Variants in PARD3B observed in about 807,000 individuals in gnomAD.
PARD3B encodes the protein par-3 family cell polarity regulator beta, also known as partitioning defective 3 homolog B.
PARD3B carries 103 observed loss-of-function variants against 130.2 expected under a neutral mutation model. That is an observed-to-expected ratio of 0.79 (90% CI 0.67 to 0.93). The LOEUF is 0.93. PARD3B is among the 40% of genes least tolerant of loss of function. PARD3B has a pLI of 0.00. For missense variants in PARD3B, 1,609 were observed against 1,499.2 expected, an observed-to-expected ratio of 1.07 and a Z score of -1.21; for synonymous variants, 583 against 553.2, an observed-to-expected ratio of 1.05 and a Z score of -0.76.
chr2:205,015,015 T>C lies in PARD3B; in HGVS notation c.395-32566T>C, dbSNP rs907501036. ...TGTCGAACAATGTGAGAGTTAGGGT[T>C]ACAGGGCCCACATACAGTTGAAAAT... On this transcript the variant is annotated intron_variant, in intron 3 of 22. Coordinates refer to ENST00000406610, the MANE Select transcript of PARD3B (RefSeq NM_001302769.2). This position sits in a 1 kb window ranked among gnomAD's most constrained non-coding sequence, Gnocchi z 4.5. Among the ~76,000 whole-genome samples, 3 of 152,150 alleles carry C rather than the reference T, an allele frequency of 2.0e-5. No homozygotes were observed. Among genetic ancestry groups the C allele is most frequent in the African/African-American group, 7.2e-5 (3 of 41,422 alleles).
At chr2:205,534,466 C>CTT (rs760015891) in intron 21 of PARD3B, among the ~76,000 whole-genome samples, 2 of 145,964 alleles carry the variant, frequency 1.4e-5, no homozygotes, top group African/African-American at 2.5e-5. Flanking sequence ...ATGGAGTCCA[C>CTT]TTTTTTTTTT....
rs1190257227 is a variant in PARD3B at position 205,116,595 on chromosome 2, G to A, written c.681-2326G>A. 1.3e-5 allele frequency among the ~76,000 whole-genome samples: 2 copies of A among 152,094 alleles called. No individual in the cohort carries two copies. Among genetic ancestry groups the A allele is most frequent in the African/African-American group, 2.4e-5 (1 of 41,406 alleles). On this transcript the variant is annotated intron_variant, in intron 6 of 22. Coordinates refer to ENST00000406610, the MANE Select transcript of PARD3B (RefSeq NM_001302769.2). This position sits in a 1 kb window ranked among gnomAD's most constrained non-coding sequence, Gnocchi z 4.5. ...GACAGCATTAATCTTTAAATTCTGC[G>A]AGTCTTGGTCCCAAATGAGACAGCT...
chr2:204,552,672 G>A (rs953172118), intron 1 of PARD3B, among the ~76,000 whole-genome samples: 1 of 152,192 alleles, frequency 6.6e-6, no homozygotes, highest in African/African-American at 2.4e-5. Context: ...GTTGATTTTT[G>A]TGTAAGGTTG....
chr2:204,695,004 T>C (rs112110411), intron 2 of PARD3B, among the ~76,000 whole-genome samples: 298 of 152,168 alleles, frequency 2.0e-3, no homozygotes, highest in African/African-American at 6.7e-3. Flanking sequence ...TAAGAAAATG[T>C]TTGATATGTG....
intron 14 of PARD3B, among the ~76,000 whole-genome samples, chr2:205,192,026 T>A (rs1261355123): frequency 6.6e-6 from 1 of 152,170 alleles, no homozygotes; most frequent in Non-Finnish European, 1.5e-5. Context: ...GCTAAACAGG[T>A]ACTTCCTTAA....
intron 4 of PARD3B, among the ~76,000 whole-genome samples, chr2:205,052,921 G>A (rs556246610): frequency 6.6e-6 from 1 of 152,206 alleles, no homozygotes; most frequent in South Asian, 2.1e-4. Flanking sequence ...GACACAGACC[G>A]GTGGAGGGAA....
In PARD3B at chr2:205,525,023, G is replaced by A. The variant is rs892666240; in HGVS notation, c.3180+24992G>A. 9.9e-5 allele frequency among the ~76,000 whole-genome samples: 15 copies of A among 152,054 alleles called. No individual in the cohort carries two copies. The highest frequency in any genetic ancestry group is 2.1e-4 in the South Asian group (1 of 4,818). The stretch of plus-strand genomic sequence containing the variant: ...ATACCCATCAAAACACTTAAACCTC[G>A]CCAGAATAAGAGATTTCTTAGTGAT... On this transcript the variant is annotated intron_variant, in intron 21 of 22. Transcript: ENST00000406610. This position sits in a 1 kb window ranked among gnomAD's most constrained non-coding sequence, Gnocchi z 4.2.
rs1472655154 is a variant in PARD3B, at chr2:204,799,108, T to C, written c.222+112826T>C. Among the ~76,000 whole-genome samples, 1 of 152,076 alleles carries C rather than the reference T, an allele frequency of 6.6e-6. No homozygotes were observed. The highest frequency in any genetic ancestry group is 6.6e-5 in the Admixed American group (1 of 15,266). On this transcript the variant is annotated intron_variant, in intron 2 of 22. Coordinates refer to ENST00000406610, the MANE Select transcript of PARD3B (RefSeq NM_001302769.2). The surrounding 1 kb of genome is among the most constrained non-coding windows in gnomAD (Gnocchi z 4.1). Reference sequence around the variant, plus strand: ...AGGCTTTGGCTCCTGGACATTATTTTTGGACCTGCTATGGGCCAGACGGGA... The same window carrying C: ...AGGCTTTGGCTCCTGGACATTATTTCTGGACCTGCTATGGGCCAGACGGGA...
chr2:205,465,477 A>T (rs1045376053), intron 20 of PARD3B, among the ~76,000 whole-genome samples: 2 of 152,192 alleles, frequency 1.3e-5, no homozygotes, highest in Non-Finnish European at 2.9e-5. Flanking sequence ...GCTTTCTATA[A>T]AACTCGATTT....
chr2:205,583,377 C>CTGTGTGTGTGTGTGTGTGTG (rs139162850), intron 22 of PARD3B, among the ~76,000 whole-genome samples: 60 of 150,490 alleles, frequency 4.0e-4, no homozygotes, highest in African/African-American at 1.3e-3. Context: ...CTCCTAAGCT[C>CTGTGTGTGTGTGTGTGTGTG]TGTGTGTGTG....
At chr2:204,901,799 T>C (rs1363895704) in intron 2 of PARD3B, among the ~76,000 whole-genome samples, 1 of 152,076 alleles carries the variant, frequency 6.6e-6, no homozygotes, top group African/African-American at 2.4e-5. Flanking sequence ...CAAGGGCTCT[T>C]TAGTCAGCAG....
chr2:205,394,889 A>G (rs148763361), intron 18 of PARD3B, among the ~76,000 whole-genome samples: 2,001 of 152,300 alleles, frequency 0.013, 44 homozygotes, highest in African/African-American at 0.046. Flanking sequence ...CACAGTTTCC[A>G]TTTGAGATCA....
chr2:205,572,341 C>T lies in PARD3B; in HGVS notation c.3260+18938C>T, dbSNP rs1487634481. Among the ~76,000 whole-genome samples, 1 of 152,192 alleles carries T rather than the reference C, an allele frequency of 6.6e-6. No individual in the cohort carries two copies. Among genetic ancestry groups the T allele is most frequent in the African/African-American group, 2.4e-5 (1 of 41,444 alleles). On this transcript the variant is annotated intron_variant, in intron 22 of 22. Coordinates refer to ENST00000406610, the MANE Select transcript of PARD3B (RefSeq NM_001302769.2). The surrounding 1 kb of genome is among the most constrained non-coding windows in gnomAD (Gnocchi z 4.2). ...AGCACTTTATACAACACGCTAGGGACTTTGACTCTACCCAGAAGGCCTCAG... is the reference window on the plus strand; with the variant it reads ...AGCACTTTATACAACACGCTAGGGATTTTGACTCTACCCAGAAGGCCTCAG...
intron 11 of PARD3B, among the ~76,000 whole-genome samples, chr2:205,163,915 G>A (rs1347887969): frequency 6.6e-6 from 1 of 152,108 alleles, no homozygotes; most frequent in African/African-American, 2.4e-5. Context: ...AGAACCTTGA[G>A]GATCCTTACT....
chr2:205,552,867 G>A (rs1394951960), intron 21 of PARD3B, among the ~76,000 whole-genome samples: 5 of 152,160 alleles, frequency 3.3e-5, no homozygotes, highest in Non-Finnish European at 5.9e-5. Context: ...TAACAATAAT[G>A]TATCAATATG....
Position 204,719,877 on chromosome 2 carries a change from A to G in PARD3B, c.222+33595A>G, listed in dbSNP as rs148478811. On this transcript the variant is annotated intron_variant, in intron 2 of 22. Transcript: ENST00000406610. ...TTAAAAACAACAGGTAAATCGAACT[A>G]TTTAAATACTATTCTATAGTTGTGA... Among the ~76,000 whole-genome samples the G allele has an allele frequency of 1.2e-4, 18 of 152,326 alleles. No homozygotes were observed. The East Asian group carries it at 3.5e-3, about 29-fold the overall frequency.
chr2:205,193,852 G>A (rs982040328), intron 15 of PARD3B, among the ~76,000 whole-genome samples: 1 of 152,212 alleles, frequency 6.6e-6, no homozygotes, highest in Non-Finnish European at 1.5e-5. Flanking sequence ...GAGGGGAAAA[G>A]GGTCTCTTGG....
At chr2:205,455,097 A>C (rs2048226702) in intron 20 of PARD3B, among the ~76,000 whole-genome samples, 1 of 152,144 alleles carries the variant, frequency 6.6e-6, no homozygotes, top group Admixed American at 6.6e-5. Context: ...AGTTAAGGCC[A>C]TAGATTCTAA....
intron 16 of PARD3B, among the ~76,000 whole-genome samples, chr2:205,249,958 A>G (rs1326299082): frequency 6.6e-6 from 1 of 151,872 alleles, no homozygotes; most frequent in Non-Finnish European, 1.5e-5. Context: ...AAAACAGAAA[A>G]ATGTATTTTT....
Sources: allele counts gnomAD v4.1 joint callset (sites outside exome capture counted in the v4.1 genomes callset), GRCh38; gene constraint gnomAD v4.1.1; non-coding constraint Gnocchi (gnomAD v3.1); transcripts MANE v1.5; gene names NCBI Gene and HGNC (gene_info 2026-07-23, HGNC 2026-07-21).